The following PAX5 variants were observed in gnomAD, a reference collection of about 807,000 sequenced individuals.
The protein encoded by PAX5 is paired box protein Pax-5.
PAX5 carries 9 observed loss-of-function variants against 43.7 expected under a neutral mutation model. The ratio of observed to expected loss-of-function variants is 0.21; its 90% CI spans 0.12 to 0.36. The LOEUF is 0.36. Among genes scored for constraint, PAX5 ranks in the 10% least tolerant of loss-of-function variants. The probability of loss-of-function intolerance (pLI) is 1.00; values close to 1 mark genes in which losing one functional copy is unlikely to be tolerated. For synonymous variants in PAX5, 228 were observed against 214.3 expected, an observed-to-expected ratio of 1.06 and a Z score of -0.56; for missense variants, 383 against 532.7, an observed-to-expected ratio of 0.72 and a Z score of 2.77.
chr9:37,002,830 C>A, intron 4 of PAX5, 54 bp from the exon 5 acceptor site: 1 of 1,540,536 alleles, frequency 6.5e-7, no homozygotes, highest in South Asian at 1.2e-5. Flanking sequence ...GGCGGCGGAC[C>A]GGCTGTCACC....
intron 7 of PAX5, 29 bp downstream of exon 7, chr9:36,923,326 C>T (rs1043434877): frequency 6.2e-7 from 1 of 1,601,070 alleles, no homozygotes; most frequent in East Asian, 2.2e-5. Flanking sequence ...CTCTCCCTCA[C>T]TCATCCCCCA....
intron 8 of PAX5, among the ~76,000 whole-genome samples, chr9:36,861,626 C>A (rs1824221659): frequency 6.6e-6 from 1 of 151,668 alleles, no homozygotes; most frequent in African/African-American, 2.4e-5. Context: ...GGGAAGGGCC[C>A]TCTAAGCAGA....
intron 1 of PAX5, among the ~76,000 whole-genome samples, chr9:37,032,149 C>A (rs3739441): frequency 6.6e-6 from 1 of 152,152 alleles, no homozygotes; most frequent in African/African-American, 2.4e-5. Flanking sequence ...CTAGGGCTCC[C>A]GTATCTCACC....
At chr9:36,964,609 A>G (rs998620093) in intron 6 of PAX5, among the ~76,000 whole-genome samples, 8 of 152,000 alleles carry the variant, frequency 5.3e-5, no homozygotes, top group Non-Finnish European at 1.0e-4. Context: ...AAAAAAAAAA[A>G]AAGAAGATAA....
chr9:36,943,577 T>C (rs1175725642), intron 6 of PAX5, among the ~76,000 whole-genome samples: 3 of 122,010 alleles, frequency 2.5e-5, no homozygotes, highest in Non-Finnish European at 5.7e-5. Flanking sequence ...CAGCTACATA[T>C]TTGCAAGCTA....
Position 36,839,177 on chromosome 9 carries a change from G to T in PAX5, c.*1383C>A. On this transcript the variant is annotated 3_prime_UTR_variant, in exon 10 of 10. Coordinates refer to ENST00000358127, the MANE Select transcript of PAX5 (RefSeq NM_016734.3). ...CACAGCAGCTCCTCACTGCTCTCCT[G>T]CCCCTCCCTCAGGAGGCCTTCCTCT... 4.3e-6 allele frequency: 1 copy of T among 233,658 alleles called. No individual in the cohort carries two copies. The highest frequency in any genetic ancestry group is 8.5e-6 in the Non-Finnish European group (1 of 118,282). 14.5% of individuals were successfully genotyped at this position (233,658 alleles called of 1,614,324 possible). A position where few individuals can be genotyped will look rare whatever the true frequency, so the allele number is the denominator to read the frequency against.
chr9:36,868,840 G>C (rs1354056068), intron 8 of PAX5, among the ~76,000 whole-genome samples: 2 of 152,130 alleles, frequency 1.3e-5, no homozygotes, highest in Non-Finnish European at 2.9e-5. Flanking sequence ...CTGCCTCCGA[G>C]ATGGATATGC....
At position 37,021,323 on chromosome 9, in the gene PAX5, T is replaced by A. The variant is rs935220284; in HGVS notation, c.47-522A>T. Among the ~76,000 whole-genome samples the A allele has an allele frequency of 7.9e-5, 12 of 152,272 alleles. No homozygotes were observed. In the South Asian group the frequency reaches 1.7e-3, roughly 21 times the overall value. On this transcript the variant is annotated intron_variant, in intron 1 of 9. Coordinates refer to ENST00000358127, the MANE Select transcript of PAX5 (RefSeq NM_016734.3). Reference sequence around the variant, plus strand: ...CTAATTCAAGGGCTAAGGAATTTTTTAAAAATTTAACAGCACCTGCAGAGT... The same window carrying A: ...CTAATTCAAGGGCTAAGGAATTTTTAAAAAATTTAACAGCACCTGCAGAGT...
intron 8 of PAX5, among the ~76,000 whole-genome samples, chr9:36,863,914 G>C (rs147122784): frequency 3.3e-5 from 5 of 152,204 alleles, no homozygotes; most frequent in Non-Finnish European, 5.9e-5. Context: ...CTCAAGACCA[G>C]CCTGGCCAAC....
chr9:36,997,789 C>T lies in PAX5; in HGVS notation c.604+4859G>A, dbSNP rs530606444. Among the ~76,000 whole-genome samples, 6 of 152,210 alleles carry T rather than the reference C, an allele frequency of 3.9e-5. No individual in the cohort carries two copies. The East Asian group carries it at 7.7e-4, about 20-fold the overall frequency. ...GCATCCGTGTGAACCGGGGCTGTGC[C>T]GAGAGGCTGCGCTGGGGATAGAAAT... On this transcript the variant is annotated intron_variant, in intron 5 of 9. Transcript: ENST00000358127.
At chr9:36,968,018 T>G (rs1313609777) in intron 5 of PAX5, among the ~76,000 whole-genome samples, 5 of 152,142 alleles carry the variant, frequency 3.3e-5, no homozygotes, top group African/African-American at 4.8e-5. Context: ...AGAGGGCAAA[T>G]GTTTCCCGTG....
intron 7 of PAX5, among the ~76,000 whole-genome samples, chr9:36,890,057 T>C (rs1263737949): frequency 4.6e-5 from 7 of 152,104 alleles, no homozygotes; most frequent in Non-Finnish European, 1.0e-4. Flanking sequence ...CTGGGGGTTG[T>C]CACTCCCAGA....
At chr9:37,011,482 G>A (rs944066) in intron 3 of PAX5, among the ~76,000 whole-genome samples, 79,506 of 151,990 alleles carry the variant, frequency 0.52, 21,766 homozygotes, top group Middle Eastern at 0.77. Context: ...CCACGGTGCT[G>A]GAATAGAAGA....
chr9:36,927,432 A>G (rs970686771), intron 6 of PAX5, among the ~76,000 whole-genome samples: 1 of 152,220 alleles, frequency 6.6e-6, no homozygotes, highest in Non-Finnish European at 1.5e-5. Context: ...GAAGAGGCTT[A>G]TGTTGCTATT....
At chr9:36,947,657 T>C (rs561231384) in intron 6 of PAX5, among the ~76,000 whole-genome samples, 35 of 152,262 alleles carry the variant, frequency 2.3e-4, no homozygotes, top group African/African-American at 7.2e-4. Flanking sequence ...CATTACTGTA[T>C]TACATATTAT....
At chr9:36,845,668 T>C (rs1822494973) in intron 9 of PAX5, among the ~76,000 whole-genome samples, 2 of 152,112 alleles carry the variant, frequency 1.3e-5, no homozygotes, top group Admixed American at 6.5e-5. Context: ...GAGCATGGAA[T>C]GGTAGTAGCA....
At chr9:37,002,553 G>T (rs924116480) in intron 5 of PAX5, 95 bp downstream of exon 5, 1 of 1,338,934 alleles carries the variant, frequency 7.5e-7, no homozygotes. Context: ...GGTAAGGGGG[G>T]TGTTCGCGGG....
chr9:36,862,260 G>A (rs1824289760), intron 8 of PAX5, among the ~76,000 whole-genome samples: 1 of 152,168 alleles, frequency 6.6e-6, no homozygotes, highest in Non-Finnish European at 1.5e-5. Flanking sequence ...GAGGAGGGGT[G>A]TGGGTGCGGA....
chr9:36,968,486 C>A (rs570060491), intron 5 of PAX5, among the ~76,000 whole-genome samples: 181 of 152,308 alleles, frequency 1.2e-3, no homozygotes, highest in African/African-American at 4.2e-3. Flanking sequence ...TCAGAGGACC[C>A]AGCATCCTCT....
Sources: gnomAD v4.1 joint callset for allele counts (sites outside exome capture counted in the v4.1 genomes callset) on GRCh38, gnomAD v4.1.1 for gene constraint, MANE v1.5 for transcripts, NCBI Gene and HGNC (gene_info 2026-07-23, HGNC 2026-07-21) for gene names.